MYO6: variants seen among roughly 807,000 people sequenced by gnomAD.
MYO6 encodes unconventional myosin-VI.
Under a neutral mutation model 178.7 loss-of-function variants are expected in MYO6, and 74 were observed. The observed-to-expected ratio is 0.41, with a 90% confidence interval of 0.34 to 0.50. The LOEUF is 0.50. MYO6 is among the 20% of genes least tolerant of loss of function. The pLI, the probability that MYO6 is intolerant of heterozygous loss-of-function variation, is 0.09. For synonymous variants in MYO6, 477 were observed against 504.6 expected, an observed-to-expected ratio of 0.95 and a Z score of 0.73; for missense variants, 1,330 against 1,547.4, an observed-to-expected ratio of 0.86 and a Z score of 2.36.
intron 15 of MYO6, 40 bp downstream of exon 15, chr6:75,861,135 G>GATAT (rs1200183737): frequency 2.1e-6 from 3 of 1,440,976 alleles, no homozygotes; most frequent in African/African-American, 2.8e-5. Flanking sequence ...AATATAGGAA[G>GATAT]ATGTAGTGAA....
chr6:75,750,289 G>T (rs1776752381), intron 1 of MYO6, among the ~76,000 whole-genome samples: 1 of 152,034 alleles, frequency 6.6e-6, no homozygotes, highest in Non-Finnish European at 1.5e-5. Context: ...TAGAGACGGG[G>T]TTTCACCATC....
chr6:75,762,825 G>A (rs1778068383), intron 1 of MYO6, among the ~76,000 whole-genome samples: 1 of 152,260 alleles, frequency 6.6e-6, no homozygotes. Context: ...CATACTTAAT[G>A]TATGTGCCTT....
At chr6:75,804,076 TGGAGA>T (rs1769756065) in intron 1 of MYO6, among the ~76,000 whole-genome samples, 1 of 152,194 alleles carries the variant, frequency 6.6e-6, no homozygotes, top group Non-Finnish European at 1.5e-5. Flanking sequence ...ATGCTTTTGG[TGGAGA>T]CAAGGTCCCA....
At chr6:75,776,779 C>A (rs1248958243) in intron 1 of MYO6, among the ~76,000 whole-genome samples, 2 of 151,938 alleles carry the variant, frequency 1.3e-5, no homozygotes, top group Non-Finnish European at 2.9e-5. Context: ...TCCCAAAGTG[C>A]TGAAACTATA....
At chr6:75,835,015 CTT>C (rs1773502228) in intron 6 of MYO6, among the ~76,000 whole-genome samples, 1 of 152,058 alleles carries the variant, frequency 6.6e-6, no homozygotes, top group South Asian at 2.1e-4. Flanking sequence ...AAGGATTGCT[CTT>C]TATTTTGAAA....
At chr6:75,808,729 G>T (rs1770362627) in intron 1 of MYO6, among the ~76,000 whole-genome samples, 1 of 152,180 alleles carries the variant, frequency 6.6e-6, no homozygotes, top group Admixed American at 6.5e-5. Context: ...CTGTGACTCA[G>T]CCACAGGAGG....
intron 11 of MYO6, among the ~76,000 whole-genome samples, chr6:75,849,926 A>G (rs1057501392): frequency 1.4e-4 from 22 of 152,114 alleles, no homozygotes; most frequent in Non-Finnish European, 2.9e-4. Flanking sequence ...AATTAGGAGC[A>G]TAGATAAGGC....
intron 23 of MYO6, among the ~76,000 whole-genome samples, chr6:75,885,253 G>T (rs890285529): frequency 3.3e-5 from 5 of 152,118 alleles, no homozygotes; most frequent in Non-Finnish European, 5.9e-5. Flanking sequence ...GTTAAAACTG[G>T]CTGGGCGTGG....
At chr6:75,782,035 G>C (rs1013043793) in intron 1 of MYO6, among the ~76,000 whole-genome samples, 2 of 151,356 alleles carry the variant, frequency 1.3e-5, no homozygotes, top group African/African-American at 4.8e-5. Flanking sequence ...TAATTATTCT[G>C]AGTAACCTTA....
rs1338138984 is a variant in MYO6 at position 75,892,597 on chromosome 6, A to T, written c.3014A>T (p.Gln1005Leu). ...TCCCAACAGCAAGCAGTTCTGGAGC[A>T]GGAGCGCAGGGACCGGGAGCTGGCC... ...EESQQQAVLE[Q>L]ERRDRELALR... Residue 1005 changes from glutamine to leucine, a missense_variant, in exon 28 of 35, where the codon CAG (glutamine) becomes CTG (leucine). Transcript: ENST00000369977. The T allele has an allele frequency of 6.2e-7, 1 of 1,613,610 alleles. No individual in the cohort carries two copies. The highest frequency in any genetic ancestry group is 1.7e-5 in the Admixed American group (1 of 60,012).
In MYO6 at chr6:75,804,879, T is replaced by C. The variant is rs75568873; in HGVS notation, c.-47-12622T>C. On this transcript the variant is annotated intron_variant, in intron 1 of 34. Coordinates refer to ENST00000369977, the MANE Select transcript of MYO6 (RefSeq NM_004999.4). ...ACACATATATATGCGCATATATATA[T>C]ACACACACACACATATATATACATA... Among the ~76,000 whole-genome samples the C allele has an allele frequency of 3.7e-3, 545 of 146,814 alleles. 3 individuals carry two copies. The highest frequency in any genetic ancestry group is 0.026 in the East Asian group (126 of 4,928).
intron 7 of MYO6, among the ~76,000 whole-genome samples, chr6:75,836,656 C>G (rs984166173): frequency 1.2e-4 from 18 of 150,864 alleles, no homozygotes; most frequent in Non-Finnish European, 2.5e-4. Context: ...GATCTTGGCT[C>G]ACTACAACCT....
intron 1 of MYO6, among the ~76,000 whole-genome samples, chr6:75,788,752 CAGA>C (rs1349822731): frequency 6.6e-6 from 1 of 152,208 alleles, no homozygotes; most frequent in Non-Finnish European, 1.5e-5. Context: ...ATGATTTTGT[CAGA>C]AGAAGCCATT....
intron 1 of MYO6, among the ~76,000 whole-genome samples, chr6:75,771,860 T>TC (rs1366294538): frequency 6.6e-6 from 1 of 152,144 alleles, no homozygotes; most frequent in Non-Finnish European, 1.5e-5. Flanking sequence ...AAAAATTAAA[T>TC]CTTTGTAAGT....
At chr6:75,892,887 TATTAA>T (rs1779017805) in intron 28 of MYO6, among the ~76,000 whole-genome samples, 197 bp downstream of exon 28, 2 of 152,330 alleles carry the variant, frequency 1.3e-5, no homozygotes, top group Middle Eastern at 6.8e-3. Flanking sequence ...TTCATCATAT[TATTAA>T]ATTGTTGACA....
intron 30 of MYO6, among the ~76,000 whole-genome samples, chr6:75,901,610 TAAG>T (rs1325738586): frequency 6.6e-6 from 1 of 152,202 alleles, no homozygotes; most frequent in African/African-American, 2.4e-5. Context: ...CTTAGCAGCT[TAAG>T]GAGATTTTGG....
At chr6:75,901,735 GC>G (rs1270528424) in intron 30 of MYO6, among the ~76,000 whole-genome samples, 1 of 152,030 alleles carries the variant, frequency 6.6e-6, no homozygotes, top group Non-Finnish European at 1.5e-5. Context: ...CTGCCTAATT[GC>G]CCTGGCCAGA....
At chr6:75,913,937 T>C (rs1161155854) in intron 33 of MYO6, 126 bp from the exon 34 acceptor site, 1 of 727,718 alleles carries the variant, frequency 1.4e-6, no homozygotes, top group African/African-American at 1.8e-5. Context: ...TATTTTCATT[T>C]TGTTTTAAAT....
At chr6:75,813,153 T>C (rs1188926060) in intron 1 of MYO6, among the ~76,000 whole-genome samples, 5 of 152,254 alleles carry the variant, frequency 3.3e-5, no homozygotes, top group African/African-American at 4.8e-5. Context: ...TTCTTTTGGA[T>C]TGATGCCACC....
Sources: allele counts gnomAD v4.1 joint callset (sites outside exome capture counted in the v4.1 genomes callset), GRCh38; gene constraint gnomAD v4.1.1; transcripts MANE v1.5; gene names NCBI Gene and HGNC (gene_info 2026-07-23, HGNC 2026-07-21).